NPR3: variants seen among roughly 807,000 people sequenced by gnomAD.
The protein encoded by NPR3 is atrial natriuretic peptide receptor 3.
A neutral mutation model predicts 54.5 loss-of-function variants in NPR3; 34 were observed. The ratio of observed to expected loss-of-function variants is 0.62; its 90% CI spans 0.47 to 0.83. NPR3 has a LOEUF of 0.83. NPR3 is among the 40% of genes least tolerant of loss of function. NPR3 has a pLI of 0.00. For missense variants in NPR3, 674 were observed against 720.8 expected (o/e 0.94, Z 0.74); for synonymous variants, 289 against 297.1 (o/e 0.97, Z 0.28).
At chr5:32,714,982 C>G (rs1378138083) in intron 1 of NPR3, among the ~76,000 whole-genome samples, 1 of 152,178 alleles carries the variant, frequency 6.6e-6, no homozygotes, top group African/African-American at 2.4e-5. Context: ...GTTACAGAAG[C>G]TAACCCAGGA....
intron 1 of NPR3, among the ~76,000 whole-genome samples, chr5:32,692,790 G>C (rs537270932): frequency 6.6e-6 from 1 of 152,168 alleles, no homozygotes; most frequent in East Asian, 1.9e-4. Context: ...TCTTCTTTAG[G>C]CTATTGCATT....
upstream of NPR3, among the ~76,000 whole-genome samples, chr5:32,704,761 G>T (rs984442989): frequency 6.6e-6 from 1 of 152,182 alleles, no homozygotes; most frequent in Admixed American, 6.5e-5. Context: ...TGCAACATGC[G>T]CTGGCGTTTG....
At chr5:32,755,433 G>T (rs896823666) in intron 3 of NPR3, among the ~76,000 whole-genome samples, 1 of 152,136 alleles carries the variant, frequency 6.6e-6, no homozygotes, top group African/African-American at 2.4e-5. Flanking sequence ...GCCTGAAGAT[G>T]GTTGGTGATT....
At chr5:32,735,599 T>C (rs1404956712) in intron 2 of NPR3, among the ~76,000 whole-genome samples, 1 of 152,172 alleles carries the variant, frequency 6.6e-6, no homozygotes, top group African/African-American at 2.4e-5. Context: ...CCTGGATTAC[T>C]GCGGCTGTGA....
chr5:32,701,159 A>C (rs1262362366), intron 1 of NPR3, among the ~76,000 whole-genome samples: 1 of 151,978 alleles, frequency 6.6e-6, no homozygotes, highest in African/African-American at 2.4e-5. Context: ...GATGATGAGC[A>C]TTTTTTCAAG....
At chr5:32,759,504 A>C (rs1360755291) in intron 3 of NPR3, among the ~76,000 whole-genome samples, 9 of 152,128 alleles carry the variant, frequency 5.9e-5, no homozygotes, top group Non-Finnish European at 1.5e-5. Flanking sequence ...GTGTCTCTGC[A>C]CATGAGATGG....
At chr5:32,740,737 G>A (rs75895578) in intron 3 of NPR3, among the ~76,000 whole-genome samples, 20,324 of 151,942 alleles carry the variant, frequency 0.13, 1,445 homozygotes, top group East Asian at 0.23. Flanking sequence ...ACTATGTCTT[G>A]GAAATCCAGT....
At chr5:32,731,953 C>T (rs1001562721) in intron 2 of NPR3, among the ~76,000 whole-genome samples, 2 of 151,992 alleles carry the variant, frequency 1.3e-5, no homozygotes, top group African/African-American at 4.8e-5. Context: ...GCATAAAATC[C>T]ATTCTCGGCC....
At chr5:32,778,110 G>A (rs1032296250) in intron 4 of NPR3, among the ~76,000 whole-genome samples, 4 of 152,292 alleles carry the variant, frequency 2.6e-5, no homozygotes, top group Non-Finnish European at 4.4e-5. Flanking sequence ...ATTTTGGTTA[G>A]AGCCAGGGCA....
chr5:32,743,543 G>T (rs1403335948), intron 3 of NPR3, among the ~76,000 whole-genome samples: 1 of 152,176 alleles, frequency 6.6e-6, no homozygotes, highest in African/African-American at 2.4e-5. Context: ...TGCATTAGTA[G>T]ATGTTTCTGA....
chr5:32,744,239 C>A (rs1740185083), intron 3 of NPR3, among the ~76,000 whole-genome samples: 1 of 152,136 alleles, frequency 6.6e-6, no homozygotes, highest in Admixed American at 6.5e-5. Flanking sequence ...CATCTGCCTG[C>A]CTCAGCCTCC....
rs1025367242 is a variant in NPR3 at position 32,788,041 on chromosome 5, A to C, written c.*1696A>C. ...GGTAAGCGCAAGCTGCCTGTCCCAG[A>C]TGCTGGCCCATGTGTGAGTGCTTCC... On this transcript the variant is annotated 3_prime_UTR_variant, in exon 8 of 8. Transcript: ENST00000265074. The C allele has an allele frequency of 3.9e-5, 6 of 152,262 alleles. No homozygotes were observed. Among genetic ancestry groups the C allele is most frequent in the African/African-American group, 1.2e-4 (5 of 41,468 alleles). The allele number at this position is 152,262 out of a possible 1,614,324, so 9.4% of individuals were successfully genotyped here.
At chr5:32,721,387 C>T (rs577051701) in intron 1 of NPR3, among the ~76,000 whole-genome samples, 14 of 152,330 alleles carry the variant, frequency 9.2e-5, no homozygotes, top group African/African-American at 2.6e-4. Flanking sequence ...GTAGGCTGGG[C>T]GTGGTGGCTC....
At chr5:32,697,377 T>C (rs748618683) in intron 1 of NPR3, among the ~76,000 whole-genome samples, 1 of 152,098 alleles carries the variant, frequency 6.6e-6, no homozygotes, top group Non-Finnish European at 1.5e-5. Context: ...TTGAATTTGG[T>C]TTGCTATTCT....
chr5:32,710,892 A>G (rs867254283), upstream of NPR3: 60 of 850,126 alleles, frequency 7.1e-5, no homozygotes, highest in African/African-American at 2.6e-4. Context: ...GTGTGTGTGT[A>G]TATGTGTGTG....
chr5:32,742,823 T>C (rs980358299), intron 3 of NPR3, among the ~76,000 whole-genome samples: 1 of 152,122 alleles, frequency 6.6e-6, no homozygotes. Context: ...GAAACAAAAA[T>C]AGCACATCAA....
At position 32,789,633 on chromosome 5, in the gene NPR3, C is replaced by T. The variant is rs1344521381; in HGVS notation, c.*3288C>T. On this transcript the variant is annotated 3_prime_UTR_variant, in exon 8 of 8. Transcript: ENST00000265074. ...CTCACTTCTCCCTATTCACAGGCTT[C>T]TAAAATCATTAATTTACTCAAGGCA... 1 of 534,772 alleles carries T rather than the reference C, an allele frequency of 1.9e-6. No individual in the cohort carries two copies. The highest frequency in any genetic ancestry group is 3.8e-6 in the Non-Finnish European group (1 of 260,098). 33.1% of individuals were successfully genotyped at this position (534,772 alleles called of 1,614,324 possible). A position where few individuals can be genotyped will look rare whatever the true frequency, so the allele number is the denominator to read the frequency against.
At chr5:32,780,892 C>A (rs540689007) in intron 5 of NPR3, 76 bp downstream of exon 5, 6 of 705,208 alleles carry the variant, frequency 8.5e-6, no homozygotes, top group South Asian at 4.9e-5. Flanking sequence ...GTTCTGGTGG[C>A]CAAAGAGCTG....
chr5:32,709,027 A>G (rs1738075914), upstream of NPR3, among the ~76,000 whole-genome samples: 1 of 151,796 alleles, frequency 6.6e-6, no homozygotes, highest in Admixed American at 6.6e-5. Context: ...CTCTTGTCCA[A>G]AAGCTGCGGA....
Sources: allele counts gnomAD v4.1 joint callset (sites outside exome capture counted in the v4.1 genomes callset), GRCh38; gene constraint gnomAD v4.1.1; transcripts MANE v1.5; gene names NCBI Gene and HGNC (gene_info 2026-07-23, HGNC 2026-07-21).